CDK19: variants seen among roughly 807,000 people sequenced by gnomAD.
The protein encoded by CDK19 is cyclin-dependent kinase 19.
Under a neutral mutation model 68.3 loss-of-function variants are expected in CDK19, and 20 were observed. That is an observed-to-expected ratio of 0.29 (90% CI 0.21 to 0.43). CDK19 has a LOEUF of 0.43. Ranked by LOEUF, CDK19 falls within the 20% of genes least tolerant of loss-of-function variation. The pLI, the probability that CDK19 is intolerant of heterozygous loss-of-function variation, is 1.00. For missense variants in CDK19, 339 were observed against 623.5 expected, an observed-to-expected ratio of 0.54 and a Z score of 4.86; for synonymous variants, 221 against 222.8, an observed-to-expected ratio of 0.99 and a Z score of 0.07.
chr6:110,738,835 ACAC>A (rs71653363), intron 2 of CDK19, among the ~76,000 whole-genome samples: 23,717 of 152,078 alleles, frequency 0.16, 2,050 homozygotes, highest in East Asian at 0.32. Context: ...GCAGCCTGCT[ACAC>A]CACCATGGTG....
rs549382493 is a variant in CDK19 at position 110,815,261 on chromosome 6, C to T, written c.-125G>A. 4.8e-6 allele frequency: 5 copies of T among 1,046,316 alleles called. No homozygotes were observed. The highest frequency in any genetic ancestry group is 5.2e-5 in the South Asian group (2 of 38,832). 64.8% of individuals were successfully genotyped at this position (1,046,316 alleles called of 1,614,324 possible). On this transcript the variant is annotated 5_prime_UTR_variant, in exon 1 of 13. Coordinates refer to ENST00000368911, the MANE Select transcript of CDK19 (RefSeq NM_015076.5). ...GCCTCTCGCGCGCGCGCGCGCGCCG[C>T]CCGCCGCCCGCCGCTCCGCGGTCCG...
At chr6:110,692,383 G>T (rs1375535678) in intron 2 of CDK19, among the ~76,000 whole-genome samples, 2 of 151,094 alleles carry the variant, frequency 1.3e-5, no homozygotes, top group Non-Finnish European at 2.9e-5. Flanking sequence ...ACAAGTAGAA[G>T]AAAGAATTTC....
At chr6:110,670,118 C>T (rs1179559555) in intron 3 of CDK19, among the ~76,000 whole-genome samples, 1 of 152,018 alleles carries the variant, frequency 6.6e-6, no homozygotes, top group Non-Finnish European at 1.5e-5. Flanking sequence ...GATCGTGCCA[C>T]TGCACTCCAG....
intron 2 of CDK19, among the ~76,000 whole-genome samples, chr6:110,744,457 A>G (rs1172026675): frequency 3.9e-5 from 6 of 152,144 alleles, no homozygotes; most frequent in Non-Finnish European, 8.8e-5. Context: ...GCTTGAGGCC[A>G]GGGGTTCAAG....
intron 2 of CDK19, among the ~76,000 whole-genome samples, chr6:110,734,536 T>TCTCTCC (rs1448408133): frequency 6.8e-6 from 1 of 147,218 alleles, no homozygotes; most frequent in Non-Finnish European, 1.5e-5. Context: ...TCTCTCTCTC[T>TCTCTCC]CTCTCTCTCT....
intron 1 of CDK19, among the ~76,000 whole-genome samples, chr6:110,809,624 C>T (rs560454687): frequency 1.3e-5 from 2 of 152,318 alleles, no homozygotes; most frequent in African/African-American, 4.8e-5. Context: ...TTTCATATAA[C>T]ATTACTGTAT....
intron 2 of CDK19, among the ~76,000 whole-genome samples, chr6:110,734,678 A>T (rs1469995755): frequency 9.9e-5 from 15 of 151,982 alleles, no homozygotes; most frequent in Admixed American, 9.9e-4. Context: ...ATCCCCAAAG[A>T]GTCTTCCCAG....
chr6:110,702,430 T>C (rs1257183256), intron 2 of CDK19, among the ~76,000 whole-genome samples: 3 of 146,436 alleles, frequency 2.0e-5, no homozygotes, highest in Non-Finnish European at 4.5e-5. Context: ...CCGGGCAACA[T>C]AGTAAAACCC....
At chr6:110,704,815 A>G (rs1774300056) in intron 2 of CDK19, among the ~76,000 whole-genome samples, 1 of 152,156 alleles carries the variant, frequency 6.6e-6, no homozygotes, top group Non-Finnish European at 1.5e-5. Context: ...TAATTCTGGA[A>G]GCAATGAGAG....
Position 110,610,292 on chromosome 6 carries a change from T to G in CDK19, c.*4243A>C, listed in dbSNP as rs557404927. ...TTCACAAATAGGAATTATAGGAATATACAAACTAGGCAGTTTAGAAAGGAT... is the reference window on the plus strand; with the variant it reads ...TTCACAAATAGGAATTATAGGAATAGACAAACTAGGCAGTTTAGAAAGGAT... On this transcript the variant is annotated 3_prime_UTR_variant, in exon 13 of 13. Coordinates refer to ENST00000368911, the MANE Select transcript of CDK19 (RefSeq NM_015076.5). The G allele has an allele frequency of 6.6e-6, 1 of 152,596 alleles. No individual in the cohort carries two copies. The highest frequency in any genetic ancestry group is 2.4e-5 in the African/African-American group (1 of 41,438). 9.5% of individuals were successfully genotyped at this position (152,596 alleles called of 1,614,324 possible).
At chr6:110,774,083 C>A (rs1240674471) in intron 1 of CDK19, 1 of 151,902 alleles carries the variant, frequency 6.6e-6, no homozygotes, top group Non-Finnish European at 1.5e-5. Flanking sequence ...AGCATATCAA[C>A]AATATATAGG....
intron 4 of CDK19, among the ~76,000 whole-genome samples, chr6:110,653,737 C>T (rs758737183): frequency 2.1e-4 from 32 of 152,172 alleles, no homozygotes; most frequent in Non-Finnish European, 3.8e-4. Context: ...TCAGAAGCTA[C>T]TCCTGAAATA....
rs2115050298 is a variant in CDK19, at chr6:110,785,953, C to G, written c.128+29056G>C. On this transcript the variant is annotated intron_variant, in intron 1 of 12. Transcript: ENST00000368911. ...CGAGATGAAGCCATTGCACCCCACC[C>G]TGGGCAACAAGAGCGAAACTCCATC... Among the ~76,000 whole-genome samples, 3 of 151,460 alleles carry G rather than the reference C, an allele frequency of 2.0e-5. No individual in the cohort carries two copies. The East Asian group carries it at 5.8e-4, about 29-fold the overall frequency.
At chr6:110,763,494 C>T (rs1028848590) in intron 1 of CDK19, among the ~76,000 whole-genome samples, 2 of 147,486 alleles carry the variant, frequency 1.4e-5, no homozygotes, top group African/African-American at 5.0e-5. Context: ...CAACTCACTG[C>T]AGCCTCCGCC....
At chr6:110,748,569 C>T (rs746292965) in intron 1 of CDK19, among the ~76,000 whole-genome samples, 25 of 152,200 alleles carry the variant, frequency 1.6e-4, no homozygotes, top group Non-Finnish European at 2.9e-4. Flanking sequence ...AGTGATGATG[C>T]AGCATCTCTA....
chr6:110,746,256 T>TTA, intron 1 of CDK19, 55 bp from the exon 2 acceptor site: 1 of 1,061,584 alleles, frequency 9.4e-7, no homozygotes, highest in South Asian at 1.4e-5. Flanking sequence ...AGATTCAAAA[T>TTA]TATAACTACA....
intron 2 of CDK19, 197 bp from the exon 3 acceptor site, chr6:110,670,738 CT>C: frequency 4.6e-6 from 3 of 649,830 alleles, no homozygotes; most frequent in Admixed American, 2.3e-5. Context: ...CTTTCCAATC[CT>C]TTTTCTATGT....
intron 4 of CDK19, among the ~76,000 whole-genome samples, chr6:110,654,965 A>G (rs1781215054): frequency 6.6e-6 from 1 of 152,056 alleles, no homozygotes; most frequent in Non-Finnish European, 1.5e-5. Flanking sequence ...AGAAAGAAAG[A>G]AAGAACAGAA....
chr6:110,670,509 A>T lies in CDK19; in HGVS notation c.237T>A (p.Ile79=). The T allele has an allele frequency of 1.2e-6, 2 of 1,613,042 alleles. No homozygotes were observed. The highest frequency in any genetic ancestry group is 1.7e-6 in the Non-Finnish European group (2 of 1,178,976). Reference sequence around the variant, plus strand: ...GAGAAAGGAACACCTTCTGCAATGCAATCACATTAGGGTGCTTCAATTCTC... The same window carrying T: ...GAGAAAGGAACACCTTCTGCAATGCTATCACATTAGGGTGCTTCAATTCTC... ...LLRELKHPNV[I]ALQKVFLSHS... Residue 79 remains isoleucine (I), a synonymous_variant, in exon 3 of 13, where the codon ATT becomes ATA. Coordinates refer to ENST00000368911, the MANE Select transcript of CDK19 (RefSeq NM_015076.5).
Sources: allele counts gnomAD v4.1 joint callset (sites outside exome capture counted in the v4.1 genomes callset), GRCh38; gene constraint gnomAD v4.1.1; transcripts MANE v1.5; gene names NCBI Gene and HGNC (gene_info 2026-07-23, HGNC 2026-07-21).